CEP76: variants seen among roughly 807,000 people sequenced by gnomAD.
The protein encoded by CEP76 is centrosomal protein 76.
Under a neutral mutation model 83.3 loss-of-function variants are expected in CEP76, and 55 were observed. The ratio of observed to expected loss-of-function variants is 0.66; its 90% CI spans 0.53 to 0.83. The LOEUF is 0.83. Among genes scored for constraint, CEP76 ranks in the 40% least tolerant of loss-of-function variants. The probability of loss-of-function intolerance (pLI) is 0.00; values close to 1 mark genes in which losing one functional copy is unlikely to be tolerated. For synonymous variants in CEP76, 270 were observed against 274.5 expected (o/e 0.98, Z 0.16); for missense variants, 694 against 799.5 (o/e 0.87, Z 1.59).
chr18:12,699,411 T>C (rs1175408633), intron 3 of CEP76, among the ~76,000 whole-genome samples: 1 of 152,150 alleles, frequency 6.6e-6, no homozygotes, highest in Non-Finnish European at 1.5e-5. Context: ...CTTTTCTGAG[T>C]TTACATCCAG....
chr18:12,674,150 G>T (rs1463689004), intron 11 of CEP76, among the ~76,000 whole-genome samples: 2 of 151,728 alleles, frequency 1.3e-5, no homozygotes, highest in African/African-American at 4.8e-5. Context: ...ATAACTACCA[G>T]ATTAGGCTGG....
At chr18:12,701,838 A>C (rs566618373) in intron 1 of CEP76, among the ~76,000 whole-genome samples, 1 of 152,282 alleles carries the variant, frequency 6.6e-6, no homozygotes, top group East Asian at 1.9e-4. Context: ...CGGTAAAGAA[A>C]CCCTGATATC....
chr18:12,683,186 CAAAAAA>C (rs765652085), intron 8 of CEP76, among the ~76,000 whole-genome samples: 1 of 63,662 alleles, frequency 1.6e-5, no homozygotes, highest in Non-Finnish European at 3.1e-5. Context: ...CTAAAAATAC[CAAAAAA>C]AAAAAAAAAA....
chr18:12,701,432 C>T (rs1240372241), intron 1 of CEP76, among the ~76,000 whole-genome samples: 2 of 152,110 alleles, frequency 1.3e-5, no homozygotes, highest in Admixed American at 6.5e-5. Context: ...TACTTTCATA[C>T]TTTGATCTGC....
chr18:12,678,492 C>G, intron 9 of CEP76, 50 bp from the exon 10 acceptor site: 1 of 1,221,062 alleles, frequency 8.2e-7, no homozygotes, highest in Non-Finnish European at 1.1e-6. Flanking sequence ...ATTAAAAAGG[C>G]AGCATCTTAC....
chr18:12,693,439 T>A (rs2039837739), intron 6 of CEP76, among the ~76,000 whole-genome samples: 1 of 150,942 alleles, frequency 6.6e-6, no homozygotes, highest in Non-Finnish European at 1.5e-5. Flanking sequence ...AAAATTTAAT[T>A]AAAAAAAACA....
At chr18:12,676,422 G>GCAC (rs1490279810) in intron 10 of CEP76, among the ~76,000 whole-genome samples, 1 of 150,938 alleles carries the variant, frequency 6.6e-6, no homozygotes, top group Non-Finnish European at 1.5e-5. Flanking sequence ...CTACAGGCAT[G>GCAC]CACCACCACA....
At chr18:12,693,190 T>C (rs2145079430) in intron 6 of CEP76, among the ~76,000 whole-genome samples, 1 of 152,314 alleles carries the variant, frequency 6.6e-6, no homozygotes, top group South Asian at 2.1e-4. Context: ...AATAAACTTA[T>C]GTTTTAGTCA....
rs1399814388 is a variant in CEP76, at chr18:12,701,089, C to A, written c.88G>T (p.Glu30Ter). 1 of 1,612,858 alleles carries A rather than the reference C, an allele frequency of 6.2e-7. No individual in the cohort carries two copies. Among genetic ancestry groups the A allele is most frequent in the East Asian group, 2.2e-5 (1 of 44,858 alleles). ...SKMDVHGRIREILAETIREEL... is the reference protein window; with the variant it reads ...SKMDVHGRIR ...TCCCGTATAGTCTCAGCAAGGATTT[C>A]TCTTATTCTACCATGGACATCCATC... is the stretch of plus-strand genomic sequence containing the variant. Residue 30 changes from glutamate to a stop codon, truncating the protein, a stop_gained, in exon 2 of 12, where the codon GAA becomes TAA. Coordinates refer to ENST00000262127, the MANE Select transcript of CEP76 (RefSeq NM_024899.4). LOFTEE classifies it high-confidence loss of function.
intron 12 of CEP76, among the ~76,000 whole-genome samples, chr18:12,666,436 G>GT (rs557490556): frequency 0.18 from 22,584 of 126,414 alleles, 2,765 homozygotes; most frequent in Non-Finnish European, 0.24. Context: ...AAATTTTATG[G>GT]TTTTTTTTTT....
rs910789851 is a variant in CEP76, at chr18:12,674,417, G to A, written c.1841+119C>T. 27 of 698,204 alleles carry A rather than the reference G, an allele frequency of 3.9e-5. No homozygotes were observed. In the African/African-American group the frequency reaches 4.8e-4, roughly 12 times the overall value. 43.3% of individuals were successfully genotyped at this position (698,204 alleles called of 1,614,324 possible). On this transcript the variant is annotated intron_variant, in intron 11 of 11. Coordinates refer to ENST00000262127, the MANE Select transcript of CEP76 (RefSeq NM_024899.4). Reference sequence around the variant, plus strand: ...TAACTGTGCCACTGTACTCCAGCATGGGCAGCAGAGCAAGACCTTGAGTTA... The same window carrying A: ...TAACTGTGCCACTGTACTCCAGCATAGGCAGCAGAGCAAGACCTTGAGTTA...
At chr18:12,663,330 T>C (rs1245578595) in intron 12 of CEP76, 1 of 152,218 alleles carries the variant, frequency 6.6e-6, no homozygotes, top group East Asian at 1.9e-4. Flanking sequence ...TTGAGTCCAG[T>C]GGCATGATCT....
chr18:12,682,667 C>T (rs1324506498), intron 8 of CEP76, among the ~76,000 whole-genome samples: 1 of 152,048 alleles, frequency 6.6e-6, no homozygotes, highest in Non-Finnish European at 1.5e-5. Context: ...CTCGCTCTGT[C>T]ACCCAGGCTG....
intron 10 of CEP76, among the ~76,000 whole-genome samples, chr18:12,676,768 T>C (rs1414892025): frequency 1.3e-5 from 2 of 152,176 alleles, no homozygotes; most frequent in Non-Finnish European, 2.9e-5. Flanking sequence ...CCAAAATGTA[T>C]GTTTAAATGC....
intron 10 of CEP76, among the ~76,000 whole-genome samples, chr18:12,677,493 A>G (rs1199716127): frequency 6.8e-6 from 1 of 146,608 alleles, no homozygotes; most frequent in Non-Finnish European, 1.5e-5. Context: ...AAGAGGTTTG[A>G]TCTCAAAAGT....
At chr18:12,668,291 G>T (rs970431159), downstream of CEP76, among the ~76,000 whole-genome samples, 1 of 150,096 alleles carries the variant, frequency 6.7e-6, no homozygotes, top group Non-Finnish European at 1.5e-5. Context: ...ACCGCCACTG[G>T]CCAAAAAAAG....
At position 12,673,430 on chromosome 18, in the gene CEP76, T is replaced by C. The variant is rs1568008600; in HGVS notation, c.1915A>G (p.Thr639Ala). Residue 639 changes from threonine to alanine, a missense_variant, in exon 12 of 12, where the codon ACT becomes GCT. Coordinates refer to ENST00000262127, the MANE Select transcript of CEP76 (RefSeq NM_024899.4). ...ACAGCACATGCAGATTCAGGGTAAG[T>C]AAATACTCGGACACGAACTGCCAGT... is the stretch of plus-strand genomic sequence containing the variant. ...VRLAVRVRVF[T>A]YPESACAVWI... 6.2e-7 allele frequency: 1 copy of C among 1,604,986 alleles called. No individual in the cohort carries two copies. Among genetic ancestry groups the C allele is most frequent in the South Asian group, 1.1e-5 (1 of 89,198 alleles).
Position 12,702,722 on chromosome 18 carries a change from A to T in CEP76, c.-174T>A. On this transcript the variant is annotated 5_prime_UTR_variant, in exon 1 of 12. Coordinates refer to ENST00000262127, the MANE Select transcript of CEP76 (RefSeq NM_024899.4). ...CGTCAGGCCGGGGGCTGACCTGGAA[A>T]TGAGGCCCCGGCGGCGGCGGCGCCA... is the stretch of plus-strand genomic sequence containing the variant. 1.5e-6 allele frequency: 1 copy of T among 678,240 alleles called. No homozygotes were observed. Among genetic ancestry groups the T allele is most frequent in the Non-Finnish European group, 2.4e-6 (1 of 423,114 alleles). The allele number at this position is 678,240 out of a possible 1,614,324, so 42.0% of individuals were successfully genotyped here. A position where few individuals can be genotyped will look rare whatever the true frequency, so the allele number is the denominator to read the frequency against.
At chr18:12,694,235 A>G (rs2039869828) in intron 6 of CEP76, among the ~76,000 whole-genome samples, 1 of 152,232 alleles carries the variant, frequency 6.6e-6, no homozygotes, top group African/African-American at 2.4e-5. Flanking sequence ...AAAAAAGTTT[A>G]AAGAAAACAG....
Sources: gnomAD v4.1 joint callset for allele counts (sites outside exome capture counted in the v4.1 genomes callset) on GRCh38, gnomAD v4.1.1 for gene constraint, MANE v1.5 for transcripts, NCBI Gene and HGNC (gene_info 2026-07-23, HGNC 2026-07-21) for gene names.